The following ANO3 variants were observed in gnomAD, a reference collection of about 807,000 sequenced individuals.
ANO3 encodes the protein anoctamin 3.
Under a neutral mutation model 144.8 loss-of-function variants are expected in ANO3, and 99 were observed. The ratio of observed to expected loss-of-function variants is 0.68; its 90% CI spans 0.58 to 0.81. ANO3 has a LOEUF of 0.81. Among genes scored for constraint, ANO3 ranks in the 30% least tolerant of loss-of-function variants. ANO3 has a pLI of 0.00. For synonymous variants in ANO3, 414 were observed against 392.6 expected, an observed-to-expected ratio of 1.05 and a Z score of -0.64; for missense variants, 905 against 1,202.2, an observed-to-expected ratio of 0.75 and a Z score of 3.66.
At chr11:26,505,497 G>C (rs899949948) in intron 4 of ANO3, among the ~76,000 whole-genome samples, 3 of 152,128 alleles carry the variant, frequency 2.0e-5, no homozygotes, top group African/African-American at 7.2e-5. Context: ...TCACAAGGAG[G>C]GAGTATATAG....
intron 1 of ANO3, among the ~76,000 whole-genome samples, chr11:26,251,113 T>C (rs532673488): frequency 6.6e-6 from 1 of 152,334 alleles, no homozygotes; most frequent in Non-Finnish European, 1.5e-5. Context: ...TGAGTTCATA[T>C]TGCTTTCACA....
At chr11:26,267,080 A>G (rs1853329039) in intron 1 of ANO3, among the ~76,000 whole-genome samples, 2 of 150,920 alleles carry the variant, frequency 1.3e-5, no homozygotes, top group South Asian at 4.2e-4. Flanking sequence ...TGACAAAGCA[A>G]GATTCCGTCA....
intron 1 of ANO3, among the ~76,000 whole-genome samples, chr11:26,193,333 G>A (rs34859438): frequency 0.3 from 45,218 of 151,610 alleles, 7,557 homozygotes; most frequent in Non-Finnish European, 0.37. Flanking sequence ...CTAGAGACTG[G>A]GTTTCTCTGT....
chr11:26,540,532 G>A (rs1012859406), intron 10 of ANO3, among the ~76,000 whole-genome samples: 1 of 152,092 alleles, frequency 6.6e-6, no homozygotes, highest in Non-Finnish European at 1.5e-5. Context: ...TACAGAATGA[G>A]AGAAAAATTT....
intron 1 of ANO3, among the ~76,000 whole-genome samples, chr11:26,399,317 A>G (rs1260539248): frequency 1.3e-5 from 2 of 151,924 alleles, no homozygotes; most frequent in African/African-American, 4.8e-5. Flanking sequence ...GGGGCTTTCA[A>G]TGATAAAGTA....
chr11:26,402,789 T>C (rs1051419317), intron 1 of ANO3, among the ~76,000 whole-genome samples: 1 of 151,962 alleles, frequency 6.6e-6, no homozygotes, highest in African/African-American at 2.4e-5. Context: ...TGAAATAAGC[T>C]GTGCAACAAA....
intron 8 of ANO3, among the ~76,000 whole-genome samples, chr11:26,532,528 T>C (rs1386973191): frequency 6.6e-6 from 1 of 152,202 alleles, no homozygotes; most frequent in Non-Finnish European, 1.5e-5. Flanking sequence ...TCAAATTTCT[T>C]ATTATTTACT....
chr11:26,204,900 T>G (rs1851767332), intron 1 of ANO3, among the ~76,000 whole-genome samples: 1 of 152,188 alleles, frequency 6.6e-6, no homozygotes, highest in African/African-American at 2.4e-5. Context: ...GTTCTCATAC[T>G]GCTATGGAGA....
intron 1 of ANO3, among the ~76,000 whole-genome samples, chr11:26,355,559 T>G (rs1324610818): frequency 2.7e-5 from 4 of 150,008 alleles, no homozygotes; most frequent in Admixed American, 1.3e-4. Context: ...TCTTTCTTTC[T>G]TTCTTTCTTT....
In ANO3 at chr11:26,345,869, G is replaced by A. The variant is rs140455427; in HGVS notation, c.46+13548G>A. ...TAGGTACTATTAGCTCTGTTTTGCC[G>A]AAGGAAACAAAGTCACAGAGTGATA... On this transcript the variant is annotated intron_variant, in intron 1 of 26. Coordinates refer to ENST00000256737, the MANE Select transcript of ANO3 (RefSeq NM_031418.4). Among the ~76,000 whole-genome samples, 1,088 of 152,136 alleles carry A rather than the reference G, an allele frequency of 7.2e-3. 9 individuals carry two copies. The highest frequency in any genetic ancestry group is 0.024 in the African/African-American group (1,008 of 41,516).
intron 1 of ANO3, among the ~76,000 whole-genome samples, chr11:26,191,154 T>C (rs1173876858): frequency 6.6e-6 from 1 of 151,992 alleles, no homozygotes; most frequent in Non-Finnish European, 1.5e-5. Flanking sequence ...CACATGCCTG[T>C]AATCCCAGCT....
At position 26,643,176 on chromosome 11, in the gene ANO3, T is replaced by C. The variant is rs747630235; in HGVS notation, c.2276-6T>C. The C allele has an allele frequency of 5.5e-5, 88 of 1,613,542 alleles. No individual in the cohort carries two copies. Among genetic ancestry groups the C allele is most frequent in the South Asian group, 3.5e-4 (32 of 90,922 alleles). On this transcript the variant is annotated splice_region_variant and splice_polypyrimidine_tract_variant and intron_variant, in intron 22 of 26. Coordinates refer to ENST00000256737, the MANE Select transcript of ANO3 (RefSeq NM_031418.4). ...ATAGTAATTTCCTAATGCTCTTCTT[T>C]TGCAGTTTTGCAATTTGGTTTTACC...
rs936421346 is a variant in ANO3, at chr11:26,636,522, A to T, written c.2043+1452A>T. Among the ~76,000 whole-genome samples the T allele has an allele frequency of 6.6e-5, 10 of 152,212 alleles. 1 individual carries two copies. The highest frequency in any genetic ancestry group is 2.4e-4 in the African/African-American group (10 of 41,450). On this transcript the variant is annotated intron_variant, in intron 20 of 26. Coordinates refer to ENST00000256737, the MANE Select transcript of ANO3 (RefSeq NM_031418.4). The stretch of plus-strand genomic sequence containing the variant: ...TGTTTCTAAGTGCTCTCTGTATATT[A>T]ATGCATTTAATCCTCACAGTTCTAT...
At chr11:26,274,814 T>C (rs1253846743) in intron 1 of ANO3, among the ~76,000 whole-genome samples, 1 of 152,078 alleles carries the variant, frequency 6.6e-6, no homozygotes, top group Non-Finnish European at 1.5e-5. Context: ...TTTTTAAAGA[T>C]TTTTTAATTT....
chr11:26,424,058 A>G (rs753350170), intron 1 of ANO3, among the ~76,000 whole-genome samples: 8 of 151,978 alleles, frequency 5.3e-5, no homozygotes, highest in African/African-American at 1.9e-4. Flanking sequence ...TTAAAGGATA[A>G]ATAAGTGAAT....
In ANO3 at chr11:26,355,562, C is replaced by T. The variant is rs866290937; in HGVS notation, c.46+23241C>T. 2.5e-4 allele frequency among the ~76,000 whole-genome samples: 34 copies of T among 135,462 alleles called. 1 individual carries two copies. Among genetic ancestry groups the T allele is most frequent in the African/African-American group, 8.8e-4 (28 of 31,872 alleles). The allele number at this position is 135,462 out of a possible 152,430, so 88.9% of individuals were successfully genotyped here. A position where few individuals can be genotyped will look rare whatever the true frequency, so the allele number is the denominator to read the frequency against. ...TATCCTGAAATTTCTTTCTTTCTTT[C>T]TTTCTTTTTTTTTTGAGATGAAGTT... On this transcript the variant is annotated intron_variant, in intron 1 of 26. Transcript: ENST00000256737.
At chr11:26,649,436 G>T (rs1048831462) in intron 24 of ANO3, among the ~76,000 whole-genome samples, 1 of 152,102 alleles carries the variant, frequency 6.6e-6, no homozygotes, top group African/African-American at 2.4e-5. Context: ...GGACCTAGTT[G>T]GTTCATAATA....
chr11:26,639,361 G>T, intron 21 of ANO3, 120 bp downstream of exon 21: 1 of 685,580 alleles, frequency 1.5e-6, no homozygotes, highest in Non-Finnish European at 2.6e-6. Context: ...CTCAATTCCT[G>T]TTCTGCTCCT....
At chr11:26,367,905 A>G (rs1258834843) in intron 1 of ANO3, among the ~76,000 whole-genome samples, 1 of 152,198 alleles carries the variant, frequency 6.6e-6, no homozygotes, top group Non-Finnish European at 1.5e-5. Flanking sequence ...AGGTCTCATT[A>G]GAAATTACAA....
Sources: gnomAD v4.1 joint callset for allele counts (sites outside exome capture counted in the v4.1 genomes callset) on GRCh38, gnomAD v4.1.1 for gene constraint, MANE v1.5 for transcripts, NCBI Gene and HGNC (gene_info 2026-07-23, HGNC 2026-07-21) for gene names.